APP: variants seen among roughly 807,000 people sequenced by gnomAD.
The protein encoded by APP is amyloid beta precursor protein, also known as amyloid-beta precursor protein.
In APP, 31 loss-of-function variants were observed where a neutral mutation model predicts 101.4. The observed-to-expected ratio is 0.31, with a 90% confidence interval of 0.23 to 0.41. APP has a LOEUF of 0.41. APP is among the 10% of genes least tolerant of loss of function. The pLI is 1.00. For missense variants in APP, 839 were observed against 1,003.7 expected, an observed-to-expected ratio of 0.84 and a Z score of 2.22; for synonymous variants, 366 against 364.4, an observed-to-expected ratio of 1.00 and a Z score of -0.05.
intron 13 of APP, among the ~76,000 whole-genome samples, chr21:25,947,275 G>C (rs554080430): frequency 1.3e-5 from 2 of 151,246 alleles, no homozygotes; most frequent in Non-Finnish European, 1.5e-5. Flanking sequence ...AAGGCATAGA[G>C]AGCTAAACGT....
At chr21:25,955,579 A>T in intron 12 of APP, 48 bp downstream of exon 12, 1 of 1,613,526 alleles carries the variant, frequency 6.2e-7, no homozygotes, top group Non-Finnish European at 8.5e-7. Context: ...AAGAAGCAAG[A>T]ATCCTGGATT....
intron 5 of APP, among the ~76,000 whole-genome samples, chr21:26,046,837 C>T (rs2045632142): frequency 6.6e-6 from 1 of 152,178 alleles, no homozygotes; most frequent in Admixed American, 6.5e-5. Flanking sequence ...CAGGGCTAGG[C>T]TGCCTACCTG....
intron 6 of APP, 74 bp downstream of exon 6, chr21:26,021,766 T>C: frequency 6.3e-7 from 1 of 1,577,634 alleles, no homozygotes; most frequent in Non-Finnish European, 8.6e-7. Flanking sequence ...GGTGCTAGGG[T>C]GGATATTTCC....
intron 6 of APP, 59 bp downstream of exon 6, chr21:26,021,781 C>G (rs2044348514): frequency 1.3e-6 from 2 of 1,596,872 alleles, no homozygotes; most frequent in Admixed American, 3.3e-5. Context: ...ATTTCCAACT[C>G]TGGTATTACG....
At chr21:25,972,275 T>C (rs932343159) in intron 11 of APP, among the ~76,000 whole-genome samples, 1 of 151,986 alleles carries the variant, frequency 6.6e-6, no homozygotes, top group African/African-American at 2.4e-5. Flanking sequence ...AATGATACCA[T>C]GGCATATCAA....
At position 26,102,087 on chromosome 21, in the gene APP, T is replaced by TA. The variant is rs1170670195; in HGVS notation, c.225+9891_225+9892insT. 5.7e-5 allele frequency among the ~76,000 whole-genome samples: 4 copies of TA among 70,040 alleles called. No individual in the cohort carries two copies. In the East Asian group the frequency reaches 1.1e-3, roughly 20 times the overall value. The allele number at this position is 70,040 out of a possible 152,430, so 45.9% of individuals were successfully genotyped here. On this transcript the variant is annotated intron_variant, in intron 2 of 17. Transcript: ENST00000346798. Reference sequence around the variant, plus strand: ...GGTTTAAGTAAAACTATGTGGTTTTTTTTTTTTTTTTTTTTTTGGAGCCGG... The same window carrying TA: ...GGTTTAAGTAAAACTATGTGGTTTTTATTTTTTTTTTTTTTTTTGGAGCCGG...
At chr21:25,926,757 C>T (rs1041643176) in intron 13 of APP, among the ~76,000 whole-genome samples, 4 of 152,180 alleles carry the variant, frequency 2.6e-5, no homozygotes, top group Admixed American at 6.5e-5. Flanking sequence ...AAGCATATCA[C>T]GCCTGTAATC....
At chr21:25,981,944 C>T (rs1034596787) in intron 9 of APP, among the ~76,000 whole-genome samples, 7 of 152,136 alleles carry the variant, frequency 4.6e-5, no homozygotes, top group Non-Finnish European at 7.4e-5. Flanking sequence ...AGACTGTAAA[C>T]AATCGTAGGT....
Position 25,905,030 on chromosome 21 carries a change from G to A in APP, c.1957C>T (p.Arg653Ter). The change falls in exon 15 of 18, where the codon CGA (arginine) becomes TGA (stop). Residue 653 changes from arginine (R) to a stop codon, truncating the protein, a stop_gained. Transcript: ENST00000346798. LOFTEE classifies it high-confidence loss of function. ...AGTCAAGCGGTTCTGATACCTGGTCGAGTGGTCAGTCCTCGGTCGGCAGCA... is the reference window on the plus strand; with the variant it reads ...AGTCAAGCGGTTCTGATACCTGGTCAAGTGGTCAGTCCTCGGTCGGCAGCA... ...RPAADRGLTTRPGSGLTNIKT... is the reference protein window; with the variant it reads ...RPAADRGLTT 2 of 1,613,806 alleles carry A rather than the reference G, an allele frequency of 1.2e-6. No homozygotes were observed. Among genetic ancestry groups the A allele is most frequent in the South Asian group, 1.1e-5 (1 of 90,982 alleles).
chr21:26,144,137 G>C (rs1569028351), intron 1 of APP, among the ~76,000 whole-genome samples: 1 of 152,100 alleles, frequency 6.6e-6, no homozygotes, highest in South Asian at 2.1e-4. Context: ...AAAGTGATCA[G>C]TTCTCGTGAG....
chr21:26,026,973 T>C (rs1424906485), intron 5 of APP, among the ~76,000 whole-genome samples: 1 of 152,244 alleles, frequency 6.6e-6, no homozygotes, highest in African/African-American at 2.4e-5. Flanking sequence ...TCTCAGTACC[T>C]TCTGCCTAAT....
chr21:26,053,211 TAAGA>T (rs1466315117), intron 4 of APP, 21 bp downstream of exon 4: 3 of 1,546,722 alleles, frequency 1.9e-6, no homozygotes, highest in South Asian at 1.1e-5. Context: ...CACTTTGCAA[TAAGA>T]AAGAATTTAT....
chr21:26,094,096 C>T (rs1314170457), intron 2 of APP, among the ~76,000 whole-genome samples: 5 of 142,184 alleles, frequency 3.5e-5, no homozygotes, highest in Non-Finnish European at 7.5e-5. Context: ...AGCCTGGTGA[C>T]AGAGCGAGAC....
intron 3 of APP, among the ~76,000 whole-genome samples, chr21:26,083,902 GAAGTAT>G (rs1264528103): frequency 6.6e-6 from 1 of 152,064 alleles, no homozygotes; most frequent in African/African-American, 2.4e-5. Flanking sequence ...AAGATGTAAT[GAAGTAT>G]AAATCACCCA....
At chr21:25,937,217 G>A (rs1340617889) in intron 13 of APP, among the ~76,000 whole-genome samples, 1 of 152,148 alleles carries the variant, frequency 6.6e-6, no homozygotes, top group Non-Finnish European at 1.5e-5. Context: ...GAACAAAAAA[G>A]GGGATAGTAT....
At chr21:26,098,933 A>G (rs1003963918) in intron 2 of APP, among the ~76,000 whole-genome samples, 2 of 152,194 alleles carry the variant, frequency 1.3e-5, no homozygotes, top group African/African-American at 4.8e-5. Flanking sequence ...ATTGCTGGAG[A>G]ACCTGAATAG....
At chr21:25,908,132 T>C (rs2038884333) in intron 14 of APP, among the ~76,000 whole-genome samples, 1 of 152,194 alleles carries the variant, frequency 6.6e-6, no homozygotes, top group Non-Finnish European at 1.5e-5. Flanking sequence ...CAAACACAAA[T>C]GTCATCAACG....
intron 14 of APP, among the ~76,000 whole-genome samples, chr21:25,907,768 A>C (rs865934544): frequency 1.3e-5 from 2 of 152,220 alleles, no homozygotes; most frequent in African/African-American, 2.4e-5. Flanking sequence ...AAAGGTAATG[A>C]GGAATCAGCA....
intron 3 of APP, among the ~76,000 whole-genome samples, chr21:26,060,918 C>A (rs549176665): frequency 6.6e-6 from 1 of 152,282 alleles, no homozygotes; most frequent in Non-Finnish European, 1.5e-5. Context: ...ACAGGGACAG[C>A]TGACTGCACG....
Sources: allele counts gnomAD v4.1 joint callset (sites outside exome capture counted in the v4.1 genomes callset), GRCh38; gene constraint gnomAD v4.1.1; transcripts MANE v1.5; gene names NCBI Gene and HGNC (gene_info 2026-07-23, HGNC 2026-07-21).